Variants in XPR1 observed in about 807,000 individuals in gnomAD.
XPR1 encodes xenotropic and polytropic retrovirus receptor 1, also known as solute carrier family 53 member 1.
Under a neutral mutation model 87.5 loss-of-function variants are expected in XPR1, and 28 were observed. The observed-to-expected ratio is 0.32, with a 90% CI of 0.24 to 0.44. XPR1 has a LOEUF of 0.44. Among genes scored for constraint, XPR1 ranks in the 20% least tolerant of loss-of-function variants. XPR1 has a pLI of 1.00. For missense variants in XPR1, 559 were observed against 862.3 expected (o/e 0.65, Z 4.41); for synonymous variants, 300 against 306.1 (o/e 0.98, Z 0.21).
chr1:180,793,658 G>C (rs1649466564), intron 3 of XPR1, among the ~76,000 whole-genome samples: 1 of 151,996 alleles, frequency 6.6e-6, no homozygotes, highest in African/African-American at 2.4e-5. Flanking sequence ...GAGCAGGGAG[G>C]GTAGTAGGGG....
At chr1:180,852,040 A>G (rs1201810208) in intron 11 of XPR1, among the ~76,000 whole-genome samples, 2 of 151,594 alleles carry the variant, frequency 1.3e-5, no homozygotes, top group Admixed American at 6.6e-5. Context: ...CTTGCCTTTA[A>G]AACCTCCTCT....
intron 7 of XPR1, among the ~76,000 whole-genome samples, chr1:180,815,259 T>A (rs1650367129): frequency 6.6e-6 from 1 of 152,178 alleles, no homozygotes; most frequent in Non-Finnish European, 1.5e-5. Flanking sequence ...GTTTTTTTGT[T>A]TAGTATATAC....
At position 180,841,813 on chromosome 1, in the gene XPR1, T is replaced by A. The variant is rs555083617; in HGVS notation, c.1501+5097T>A. On this transcript the variant is annotated intron_variant, in intron 11 of 14. Coordinates refer to ENST00000367590, the MANE Select transcript of XPR1 (RefSeq NM_004736.4). ...TGGTAAATAAAAAAAAACTCATAGT[T>A]GCTACATGTTAAATATTCATATCAC... Among the ~76,000 whole-genome samples the A allele has an allele frequency of 6.6e-5, 10 of 152,300 alleles. No homozygotes were observed. The South Asian group carries it at 2.1e-3, about 32-fold the overall frequency.
At chr1:180,651,341 C>A (rs1655287478) in intron 1 of XPR1, among the ~76,000 whole-genome samples, 1 of 152,192 alleles carries the variant, frequency 6.6e-6, no homozygotes, top group East Asian at 1.9e-4. Context: ...ATCTGCCCAC[C>A]TCAGCCTCCC....
chr1:180,839,003 A>G (rs543302870), intron 11 of XPR1, among the ~76,000 whole-genome samples: 192 of 152,302 alleles, frequency 1.3e-3, no homozygotes, highest in African/African-American at 4.5e-3. Flanking sequence ...ACATTTCTTA[A>G]TGAGATAAAT....
chr1:180,710,734 G>A (rs1182304052), intron 2 of XPR1, among the ~76,000 whole-genome samples: 1 of 152,194 alleles, frequency 6.6e-6, no homozygotes, highest in African/African-American at 2.4e-5. Flanking sequence ...CAGATGGGGT[G>A]GCGGCTGGGC....
chr1:180,773,627 C>T (rs1648604012), intron 2 of XPR1, among the ~76,000 whole-genome samples: 1 of 152,098 alleles, frequency 6.6e-6, no homozygotes, highest in Non-Finnish European at 1.5e-5. Context: ...GAAGGAGAGT[C>T]CCAAGGAAAG....
At chr1:180,873,751 A>G (rs1652576756) in intron 12 of XPR1, 52 bp from the exon 13 acceptor site, 24 of 1,593,798 alleles carry the variant, frequency 1.5e-5, no homozygotes, top group Non-Finnish European at 2.1e-5. Flanking sequence ...TGGTATGCCT[A>G]TTTATGAGAA....
intron 1 of XPR1, among the ~76,000 whole-genome samples, chr1:180,672,596 G>A (rs1656217367): frequency 1.3e-5 from 2 of 152,022 alleles, no homozygotes; most frequent in Admixed American, 6.6e-5. Flanking sequence ...TTAGTATTAG[G>A]AAAACATTTA....
At chr1:180,648,479 A>G (rs1395500704) in intron 1 of XPR1, among the ~76,000 whole-genome samples, 2 of 152,238 alleles carry the variant, frequency 1.3e-5, no homozygotes, top group Admixed American at 6.5e-5. Context: ...TATAGAAAGT[A>G]GAATTTCTGG....
rs569266427 is a variant in XPR1 at position 180,768,855 on chromosome 1, C to CT, written c.122-18895dup. 4.8e-3 allele frequency among the ~76,000 whole-genome samples: 725 copies of CT among 152,260 alleles called. 2 individuals carry two copies. The highest frequency in any genetic ancestry group is 8.6e-3 in the Non-Finnish European group (582 of 68,016). On this transcript the variant is annotated intron_variant, in intron 2 of 14. Transcript: ENST00000367590. The stretch of plus-strand genomic sequence containing the variant: ...AGGTTATAGAAATGCTTATTGGGTT[C>CT]TTTCATTGCAAGCAACTGAAGTTGG...
intron 9 of XPR1, among the ~76,000 whole-genome samples, chr1:180,828,254 T>C (rs1326210956): frequency 6.6e-6 from 1 of 152,186 alleles, no homozygotes; most frequent in East Asian, 1.9e-4. Context: ...ATATTTATAT[T>C]GGAATCTATG....
intron 1 of XPR1, among the ~76,000 whole-genome samples, chr1:180,650,704 A>G (rs1396608911): frequency 6.6e-6 from 1 of 152,208 alleles, no homozygotes; most frequent in African/African-American, 2.4e-5. Context: ...ATCTATTCAT[A>G]TTTGAAGGCA....
chr1:180,853,783 T>C (rs1472503976), intron 11 of XPR1, among the ~76,000 whole-genome samples: 1 of 142,204 alleles, frequency 7.0e-6, no homozygotes, highest in Non-Finnish European at 1.5e-5. Context: ...TAATAGTGCA[T>C]TCATGTGGTT....
chr1:180,883,263 G>A (rs959278068), intron 14 of XPR1, among the ~76,000 whole-genome samples: 2 of 151,020 alleles, frequency 1.3e-5, no homozygotes, highest in African/African-American at 4.9e-5. Flanking sequence ...AGTTTCTTAA[G>A]TTTGTTTAAT....
chr1:180,880,264 G>C lies in XPR1; in HGVS notation c.1997G>C (p.Ser666Thr). Reference protein sequence around the residue: ...QKNRSWKYNQSISLRRPRLAS... With the variant: ...QKNRSWKYNQTISLRRPRLAS... The stretch of plus-strand genomic sequence containing the variant: ...AATCGGTCATGGAAGTACAACCAGA[G>C]CATATCCCTGCGCCGGCCTCGCCTC... The change falls in exon 14 of 15, where the codon AGC becomes ACC. Residue 666 changes from serine (S) to threonine (T), a missense_variant. Ser to Thr is a moderately conservative substitution (Grantham distance 58). Around this residue, in one of 7 missense-constraint regions of XPR1, gnomAD observed 80 missense variants for 99.5 expected, o/e 0.80. Coordinates refer to ENST00000367590, the MANE Select transcript of XPR1 (RefSeq NM_004736.4). 1 of 1,614,198 alleles carries C rather than the reference G, an allele frequency of 6.2e-7. No homozygotes were observed. The highest frequency in any genetic ancestry group is 8.5e-7 in the Non-Finnish European group (1 of 1,180,034).
chr1:180,825,106 T>C (rs962045717), intron 8 of XPR1, 59 bp from the exon 9 acceptor site: 4 of 1,532,144 alleles, frequency 2.6e-6, no homozygotes, highest in Non-Finnish European at 3.5e-6. Context: ...TTTTAAGTAA[T>C]GGTAAAAGTA....
chr1:180,865,142 GA>G (rs1652344656), intron 12 of XPR1, among the ~76,000 whole-genome samples: 1 of 152,110 alleles, frequency 6.6e-6, no homozygotes, highest in South Asian at 2.1e-4. Flanking sequence ...AACTTCAGAT[GA>G]ACAAATAAAG....
At chr1:180,804,449 T>C (rs573932135) in intron 4 of XPR1, among the ~76,000 whole-genome samples, 7 of 152,132 alleles carry the variant, frequency 4.6e-5, no homozygotes, top group African/African-American at 1.7e-4. Flanking sequence ...TCATATTTTT[T>C]AAAAGTTATT....
Sources: gnomAD v4.1 joint callset for allele counts (sites outside exome capture counted in the v4.1 genomes callset) on GRCh38, gnomAD v4.1.1 for gene constraint, gnomAD v4.1.1 regional missense constraint, MANE v1.5 for transcripts, NCBI Gene and HGNC (gene_info 2026-07-23, HGNC 2026-07-21) for gene names.